SVOPL: variants seen among roughly 807,000 people sequenced by gnomAD.
SVOPL encodes the protein putative transporter SVOPL.
SVOPL carries 60 observed loss-of-function variants against 61.0 expected under a neutral mutation model. The observed-to-expected ratio is 0.98, with a 90% CI of 0.80 to 1.22. The LOEUF (loss-of-function observed/expected upper bound fraction) is 1.22, where lower values mean the gene tolerates loss of function less well. Among genes scored for constraint, SVOPL ranks in the 50% most tolerant of loss-of-function variants. The pLI is 0.00. For synonymous variants in SVOPL, 279 were observed against 250.0 expected (o/e 1.12, Z -1.09); for missense variants, 662 against 643.9 (o/e 1.03, Z -0.30).
At chr7:138,699,245 A>C (rs952260064) in intron 1 of SVOPL, among the ~76,000 whole-genome samples, 2 of 152,162 alleles carry the variant, frequency 1.3e-5, no homozygotes, top group African/African-American at 2.4e-5. Flanking sequence ...CGGAGGTTAC[A>C]GTGAGCTGAG....
intron 9 of SVOPL, among the ~76,000 whole-genome samples, chr7:138,644,388 T>C (rs942257283): frequency 1.3e-5 from 2 of 152,112 alleles, no homozygotes; most frequent in African/African-American, 4.8e-5. Context: ...ATGAGGTTTA[T>C]AACCTTCCTA....
intron 4 of SVOPL, among the ~76,000 whole-genome samples, chr7:138,666,442 T>G (rs1406902483): frequency 1.3e-5 from 2 of 152,162 alleles, no homozygotes; most frequent in Admixed American, 1.3e-4. Context: ...GACACCAAAA[T>G]AGACACCCCT....
chr7:138,625,497 A>AC (rs1799851908), intron 13 of SVOPL, among the ~76,000 whole-genome samples: 1 of 152,232 alleles, frequency 6.6e-6, no homozygotes, highest in South Asian at 2.1e-4. Flanking sequence ...CTCAGGCAGT[A>AC]CCTTGCATAT....
At chr7:138,611,870 C>G (rs1259048462) in intron 14 of SVOPL, among the ~76,000 whole-genome samples, 2 of 76,482 alleles carry the variant, frequency 2.6e-5, no homozygotes, top group African/African-American at 4.5e-5. Context: ...AGCCTCTGCC[C>G]GGCCGCCACC....
chr7:138,626,024 A>G lies in SVOPL; in HGVS notation c.1208T>C (p.Met403Thr). The G allele has an allele frequency of 6.2e-7, 1 of 1,614,178 alleles. No homozygotes were observed. The highest frequency in any genetic ancestry group is 8.5e-7 in the Non-Finnish European group (1 of 1,180,038). ...SSAGLIGFLF[M>T]LRALVAANFN... is the part of the protein sequence containing the mutation. The stretch of plus-strand genomic sequence containing the variant: ...GTTTGCAGCTACCAGAGCCCTCAGC[A>G]TGAAGAGGAAGCCAATCAGGCCGGC... Residue 403 changes from methionine (M) to threonine (T), a missense_variant, in exon 13 of 16, where the codon ATG (methionine) becomes ACG (threonine). Transcript: ENST00000674285.
At chr7:138,632,096 A>T (rs966658878) in intron 9 of SVOPL, among the ~76,000 whole-genome samples, 1 of 152,164 alleles carries the variant, frequency 6.6e-6, no homozygotes, top group African/African-American at 2.4e-5. Flanking sequence ...ACCAGAATGA[A>T]GGCAGGGTCT....
At chr7:138,676,036 A>G (rs994737149) in intron 3 of SVOPL, among the ~76,000 whole-genome samples, 6 of 152,140 alleles carry the variant, frequency 3.9e-5, no homozygotes, top group African/African-American at 1.2e-4. Flanking sequence ...GGGTTTCACT[A>G]TGTTGGCCAG....
chr7:138,687,228 CTTT>C (rs71179722), intron 1 of SVOPL, among the ~76,000 whole-genome samples: 111 of 77,038 alleles, frequency 1.4e-3, no homozygotes, highest in African/African-American at 4.3e-3. Context: ...CTTTTTTCCT[CTTT>C]TTTTTTTTTT....
At chr7:138,670,104 TG>T (rs1348278095) in intron 4 of SVOPL, among the ~76,000 whole-genome samples, 4 of 152,242 alleles carry the variant, frequency 2.6e-5, no homozygotes, top group Admixed American at 6.5e-5. Context: ...GAAAAAATTA[TG>T]ACAGTGAAAG....
chr7:138,671,184 C>T (rs1414635585), intron 4 of SVOPL, among the ~76,000 whole-genome samples: 1 of 152,124 alleles, frequency 6.6e-6, no homozygotes, highest in Non-Finnish European at 1.5e-5. Flanking sequence ...TCTGGCCCTG[C>T]CCACCTCTGC....
chr7:138,695,230 C>T (rs76891005), intron 1 of SVOPL, among the ~76,000 whole-genome samples: 2,331 of 152,194 alleles, frequency 0.015, 58 homozygotes, highest in African/African-American at 0.053. Flanking sequence ...ACAAGCATTC[C>T]GCCAGGCACA....
At chr7:138,666,526 A>T (rs968047238) in intron 4 of SVOPL, among the ~76,000 whole-genome samples, 1 of 152,230 alleles carries the variant, frequency 6.6e-6, no homozygotes, top group African/African-American at 2.4e-5. Context: ...GGTCTGGCAG[A>T]CATGGCAGAT....
chr7:138,653,810 G>A (rs1388683328), intron 7 of SVOPL, among the ~76,000 whole-genome samples: 2 of 151,998 alleles, frequency 1.3e-5, no homozygotes, highest in African/African-American at 4.8e-5. Flanking sequence ...GCATGTGCCT[G>A]TAATCCCAGC....
chr7:138,657,163 T>TTTAC (rs763305599), intron 6 of SVOPL, among the ~76,000 whole-genome samples: 1 of 129,082 alleles, frequency 7.7e-6, no homozygotes, highest in Non-Finnish European at 1.6e-5. Context: ...TATTTATTTA[T>TTTAC]TTATTTATTT....
At chr7:138,654,807 T>G (rs996456950) in intron 7 of SVOPL, among the ~76,000 whole-genome samples, 1 of 150,990 alleles carries the variant, frequency 6.6e-6, no homozygotes, top group South Asian at 2.1e-4. Flanking sequence ...ATGGTCAACA[T>G]AGTGAGACCA....
At chr7:138,678,254 T>A (rs991115781) in intron 3 of SVOPL, among the ~76,000 whole-genome samples, 180 bp downstream of exon 3, 1 of 152,050 alleles carries the variant, frequency 6.6e-6, no homozygotes, top group Non-Finnish European at 1.5e-5. Flanking sequence ...TTCTTAAATG[T>A]ATTTGATGGA....
At chr7:138,629,125 A>G (rs202239332) in intron 10 of SVOPL, among the ~76,000 whole-genome samples, 99 of 64,250 alleles carry the variant, frequency 1.5e-3, no homozygotes, top group African/African-American at 7.7e-3. Context: ...CATGTTTTAT[A>G]TATGTGTGTG....
At chr7:138,619,630 A>T (rs1216082058) in intron 14 of SVOPL, among the ~76,000 whole-genome samples, 1 of 149,846 alleles carries the variant, frequency 6.7e-6, no homozygotes, top group African/African-American at 2.4e-5. Context: ...AGATAGTTTT[A>T]AAAAATTCAT....
At chr7:138,658,969 G>C (rs1013951094) in intron 6 of SVOPL, among the ~76,000 whole-genome samples, 4 of 150,338 alleles carry the variant, frequency 2.7e-5, no homozygotes, top group African/African-American at 7.4e-5. Flanking sequence ...CTGAAAGACT[G>C]GTTCAGGCCA....
Sources: allele counts gnomAD v4.1 joint callset (sites outside exome capture counted in the v4.1 genomes callset), GRCh38; gene constraint gnomAD v4.1.1; transcripts MANE v1.5; gene names NCBI Gene and HGNC (gene_info 2026-07-23, HGNC 2026-07-21).